Variants in SLIT3 observed in about 807,000 individuals in gnomAD.
SLIT3 encodes the protein slit homolog 3 protein.
SLIT3 carries 68 observed loss-of-function variants against 184.0 expected under a neutral mutation model. That is an observed-to-expected ratio of 0.37 (90% CI 0.30 to 0.45). The LOEUF (loss-of-function observed/expected upper bound fraction) is 0.45. Among genes scored for constraint, SLIT3 ranks in the 20% least tolerant of loss-of-function variants. The probability of loss-of-function intolerance (pLI) is 1.00; values close to 1 mark genes in which losing one functional copy is unlikely to be tolerated. For synonymous variants in SLIT3, 831 were observed against 828.6 expected (o/e 1.00, Z -0.05); for missense variants, 1,707 against 2,026.0 (o/e 0.84, Z 3.02).
chr5:169,077,078 G>A (rs1043863205), intron 4 of SLIT3, among the ~76,000 whole-genome samples: 2 of 152,164 alleles, frequency 1.3e-5, no homozygotes, highest in East Asian at 1.9e-4. Context: ...CCCTGAGACA[G>A]CAAGAACAAA....
At chr5:168,671,513 G>A in intron 33 of SLIT3, 30 bp from the exon 34 acceptor site, 1 of 1,590,288 alleles carries the variant, frequency 6.3e-7, no homozygotes. Flanking sequence ...ACAGTGGCCT[G>A]AAGACCCTCC....
At chr5:168,711,342 T>C (rs1396026997) in intron 24 of SLIT3, among the ~76,000 whole-genome samples, 2 of 152,058 alleles carry the variant, frequency 1.3e-5, no homozygotes, top group Admixed American at 1.3e-4. Flanking sequence ...TCCTAGCTCC[T>C]TTAGGGAGCT....
At chr5:169,220,554 G>A (rs775493231) in intron 3 of SLIT3, among the ~76,000 whole-genome samples, 2 of 152,114 alleles carry the variant, frequency 1.3e-5, no homozygotes, top group Admixed American at 1.3e-4. Context: ...TCTCTCATAA[G>A]TTTGTATAAG....
At chr5:168,726,446 G>A (rs1763121451) in intron 20 of SLIT3, among the ~76,000 whole-genome samples, 1 of 24,316 alleles carries the variant, frequency 4.1e-5, no homozygotes, top group Non-Finnish European at 9.1e-5. Flanking sequence ...GAGGCAGGGA[G>A]GGAGGGAGAG....
At chr5:169,160,924 A>G (rs1214012547) in intron 4 of SLIT3, among the ~76,000 whole-genome samples, 1 of 152,192 alleles carries the variant, frequency 6.6e-6, no homozygotes, top group Non-Finnish European at 1.5e-5. Flanking sequence ...CCTTGCAGAG[A>G]AAAGAAAAAA....
chr5:168,926,858 C>T (rs1761841613), intron 4 of SLIT3, among the ~76,000 whole-genome samples: 1 of 151,424 alleles, frequency 6.6e-6, no homozygotes, highest in South Asian at 2.1e-4. Context: ...AAGATGGCTA[C>T]TATCAAAAAA....
chr5:168,784,297 C>A (rs1756076298), intron 12 of SLIT3, among the ~76,000 whole-genome samples: 1 of 152,224 alleles, frequency 6.6e-6, no homozygotes. Context: ...AAACACCCAG[C>A]TCCCTGCAGA....
chr5:168,843,140 G>A (rs984848672), intron 6 of SLIT3, among the ~76,000 whole-genome samples: 2 of 152,104 alleles, frequency 1.3e-5, no homozygotes, highest in Admixed American at 6.5e-5. Flanking sequence ...TTTCTGGACC[G>A]GGAATTCTCG....
At position 168,675,820 on chromosome 5, in the gene SLIT3, AG is replaced by A. The variant is rs563468787; in HGVS notation, c.3687-2490del. Among the ~76,000 whole-genome samples the A allele has an allele frequency of 1.1e-4, 17 of 152,332 alleles. No individual in the cohort carries two copies. In the East Asian group the frequency reaches 3.3e-3, roughly 29 times the overall value. On this transcript the variant is annotated intron_variant, in intron 32 of 35. Transcript: ENST00000519560. Reference sequence around the variant, plus strand: ...CTGCAAAGCTAGTGATCCCTGTTCTAGTGCTGATCCCTGGGAGAAAGTGATG... The same window carrying A: ...CTGCAAAGCTAGTGATCCCTGTTCTATGCTGATCCCTGGGAGAAAGTGATG...
At chr5:169,044,598 A>G (rs1302664389) in intron 4 of SLIT3, among the ~76,000 whole-genome samples, 48 of 109,360 alleles carry the variant, frequency 4.4e-4, no homozygotes, top group Admixed American at 7.5e-4. Context: ...GGGGGGGGGG[A>G]TGGGGAGAAA....
intron 5 of SLIT3, among the ~76,000 whole-genome samples, chr5:168,881,510 T>A (rs1759952655): frequency 6.6e-6 from 1 of 152,214 alleles, no homozygotes; most frequent in African/African-American, 2.4e-5. Flanking sequence ...ATATATCACT[T>A]TATATACGCA....
At chr5:168,955,707 C>T (rs552053075) in intron 4 of SLIT3, among the ~76,000 whole-genome samples, 10 of 152,348 alleles carry the variant, frequency 6.6e-5, no homozygotes, top group Admixed American at 6.5e-4. Context: ...CTTAGGCCCA[C>T]TGCCAAAAGG....
chr5:169,241,516 T>C (rs1311408704), intron 3 of SLIT3, among the ~76,000 whole-genome samples: 1 of 152,156 alleles, frequency 6.6e-6, no homozygotes, highest in East Asian at 1.9e-4. Context: ...CTCCCAGTTG[T>C]GACAATCAAA....
At position 168,785,955 on chromosome 5, in the gene SLIT3, G is replaced by A; in HGVS notation, c.1103C>T (p.Thr368Ile). Residue 368 changes from threonine (T) to isoleucine (I), a missense_variant, in exon 12 of 36, where the codon ACC (threonine) becomes ATC (isoleucine). Physicochemically the swap from Thr to Ile is moderately conservative, Grantham distance 89. This residue lies in a region of SLIT3 where 1,307 missense variants were observed against 1,511.6 expected (regional missense o/e 0.86). Coordinates refer to ENST00000519560, the MANE Select transcript of SLIT3 (RefSeq NM_003062.4). ...ATCAAACAGTCCCTTGACAATCTCG[G>A]TGATCTTGTTCCCATACAGGACCCT... is the stretch of plus-strand genomic sequence containing the variant. ...TSLVLYGNKI[T>I]EIVKGLFDGL... 6.2e-7 allele frequency: 1 copy of A among 1,612,524 alleles called. No individual in the cohort carries two copies. Among genetic ancestry groups the A allele is most frequent in the South Asian group, 1.1e-5 (1 of 91,036 alleles).
chr5:169,002,893 A>T (rs77899276), intron 4 of SLIT3, among the ~76,000 whole-genome samples: 2,702 of 152,294 alleles, frequency 0.018, 91 homozygotes, highest in African/African-American at 0.061. Flanking sequence ...GAAATTACAA[A>T]CTTGGTATAT....
chr5:168,702,155 C>T (rs984753367), intron 26 of SLIT3, among the ~76,000 whole-genome samples: 2 of 152,196 alleles, frequency 1.3e-5, no homozygotes, highest in African/African-American at 4.8e-5. Flanking sequence ...ACACAGGGCC[C>T]CTTTCTGAAA....
At chr5:168,917,048 A>G (rs974907801) in intron 4 of SLIT3, among the ~76,000 whole-genome samples, 7 of 152,210 alleles carry the variant, frequency 4.6e-5, no homozygotes, top group Admixed American at 2.6e-4. Context: ...TCAGAGGTAC[A>G]AAGGAGACGG....
In SLIT3 at chr5:168,663,805, G is replaced by A. The variant is rs1315747456; in HGVS notation, c.*2649C>T. On this transcript the variant is annotated 3_prime_UTR_variant, in exon 36 of 36. Transcript: ENST00000519560. ...CTCCTATTCATCCTTAAAGACCTAGGACTAGAAGTTCCCTCCTCTGGACAG... is the reference window on the plus strand; with the variant it reads ...CTCCTATTCATCCTTAAAGACCTAGAACTAGAAGTTCCCTCCTCTGGACAG... The A allele has an allele frequency of 6.6e-6, 1 of 152,146 alleles. No homozygotes were observed. The highest frequency in any genetic ancestry group is 1.9e-4 in the East Asian group (1 of 5,192). The allele number at this position is 152,146 out of a possible 1,614,324, so 9.4% of individuals were successfully genotyped here. A position where few individuals can be genotyped will look rare whatever the true frequency, so the allele number is the denominator to read the frequency against.
intron 4 of SLIT3, among the ~76,000 whole-genome samples, chr5:168,885,906 C>A (rs1338624959): frequency 2.0e-5 from 3 of 152,172 alleles, no homozygotes; most frequent in Admixed American, 6.5e-5. Context: ...GATATTTAAG[C>A]AGAAAAATCT....
Sources: gnomAD v4.1 joint callset for allele counts (sites outside exome capture counted in the v4.1 genomes callset) on GRCh38, gnomAD v4.1.1 for gene constraint, gnomAD v4.1.1 regional missense constraint, MANE v1.5 for transcripts, NCBI Gene and HGNC (gene_info 2026-07-23, HGNC 2026-07-21) for gene names.